ATAD2B: variants seen among roughly 807,000 people sequenced by gnomAD.
ATAD2B encodes the protein ATPase family AAA domain containing 2B.
A neutral mutation model predicts 167.6 loss-of-function variants in ATAD2B; 40 were observed. That is an observed-to-expected ratio of 0.24 (90% confidence interval 0.19 to 0.31). The LOEUF (loss-of-function observed/expected upper bound fraction) is 0.31. Ranked by LOEUF, ATAD2B falls within the 10% of genes least tolerant of loss-of-function variation. ATAD2B has a pLI of 1.00. For missense variants in ATAD2B, 1,242 were observed against 1,757.2 expected (o/e 0.71, Z 5.24); for synonymous variants, 579 against 596.5 (o/e 0.97, Z 0.43).
the ATAD2B span, among the ~76,000 whole-genome samples, chr2:23,678,310 TG>T: frequency 2.0e-4 from 31 of 152,258 alleles, no homozygotes; most frequent in African/African-American, 7.0e-4. Flanking sequence ...TTAGAACCAA[TG>T]GGGTTTGAGA....
chr2:23,818,698 C>A (rs530782981), intron 17 of ATAD2B, among the ~76,000 whole-genome samples: 35 of 152,278 alleles, frequency 2.3e-4, no homozygotes, highest in African/African-American at 8.4e-4. Flanking sequence ...CACAATCCGG[C>A]CTCTTCTAAT....
intron 13 of ATAD2B, among the ~76,000 whole-genome samples, chr2:23,836,223 G>A (rs1689937531): frequency 6.6e-6 from 1 of 152,196 alleles, no homozygotes; most frequent in South Asian, 2.1e-4. Flanking sequence ...TGCTGCACCG[G>A]GGCGGGCAGC....
intron 1 of ATAD2B, among the ~76,000 whole-genome samples, chr2:23,920,257 A>C (rs1020667171): frequency 3.9e-5 from 6 of 152,118 alleles, no homozygotes; most frequent in African/African-American, 9.7e-5. Flanking sequence ...ACAACACACA[A>C]AAAAAAGAGT....
At chr2:23,680,509 G>T in the ATAD2B span, among the ~76,000 whole-genome samples, 1 of 152,186 alleles carries the variant, frequency 6.6e-6, no homozygotes, top group Non-Finnish European at 1.5e-5. The surrounding 1 kb of genome is among the most constrained non-coding windows in gnomAD (Gnocchi z 4.1). Flanking sequence ...AACCTCTGGG[G>T]CCGACCAACA....
chr2:23,807,626 C>T (rs1168635303), intron 18 of ATAD2B, among the ~76,000 whole-genome samples: 2 of 151,660 alleles, frequency 1.3e-5, no homozygotes, highest in Non-Finnish European at 2.9e-5. Context: ...GCCATCCTGG[C>T]TAACATGGTG....
intron 8 of ATAD2B, chr2:23,872,610 T>G (rs1696174357): frequency 1.5e-6 from 2 of 1,314,868 alleles, no homozygotes; most frequent in East Asian, 4.6e-5. Flanking sequence ...CTAATGTTGC[T>G]GTAGAAAGGA....
chr2:23,823,659 G>C, intron 15 of ATAD2B, 90 bp from the exon 16 acceptor site: 2 of 1,174,010 alleles, frequency 1.7e-6, no homozygotes, highest in Admixed American at 4.7e-5. Flanking sequence ...TTTAGCTAAA[G>C]TCATAATCAA....
At chr2:23,681,630 T>C in the ATAD2B span, among the ~76,000 whole-genome samples, 3 of 152,266 alleles carry the variant, frequency 2.0e-5, no homozygotes, top group African/African-American at 7.2e-5. The surrounding 1 kb of genome is among the most constrained non-coding windows in gnomAD (Gnocchi z 4.2). Flanking sequence ...CAAGCAGGTG[T>C]CTCTGCCCTT....
the ATAD2B span, among the ~76,000 whole-genome samples, chr2:23,731,983 CAA>C: frequency 7.3e-6 from 1 of 137,876 alleles, no homozygotes; most frequent in Non-Finnish European, 1.6e-5. Context: ...TCCTAGGGGG[CAA>C]AAAAAAAAAA....
chr2:23,706,397 C>A, the ATAD2B span: 1 of 1,130,030 alleles, frequency 8.8e-7, no homozygotes. Context: ...AGGCAGCCTA[C>A]AACAGGACAC....
At chr2:23,882,679 G>A (rs367582268) in intron 6 of ATAD2B, among the ~76,000 whole-genome samples, 70 of 151,750 alleles carry the variant, frequency 4.6e-4, no homozygotes, top group African/African-American at 1.3e-3. Flanking sequence ...GCATGGTGGC[G>A]GGTGCCTGTA....
Position 23,748,776 on chromosome 2 carries a change from A to T in ATAD2B, c.*3270T>A, listed in dbSNP as rs1675063723. 6.6e-6 allele frequency: 1 copy of T among 152,192 alleles called. No individual in the cohort carries two copies. The highest frequency in any genetic ancestry group is 2.4e-5 in the African/African-American group (1 of 41,460). 9.4% of individuals were successfully genotyped at this position (152,192 alleles called of 1,614,324 possible). A position where few individuals can be genotyped will look rare whatever the true frequency, so the allele number is the denominator to read the frequency against. ...AAATAATTTACTTCAACTAATGTCA[A>T]ATGAAGTCAAATGCAAAACATCAAT... On this transcript the variant is annotated 3_prime_UTR_variant, in exon 28 of 28. Transcript: ENST00000238789.
At chr2:23,837,762 T>A (rs987522407) in intron 13 of ATAD2B, among the ~76,000 whole-genome samples, 2 of 152,272 alleles carry the variant, frequency 1.3e-5, no homozygotes, top group Admixed American at 6.5e-5. Context: ...GAAATGTATA[T>A]GACGCTTTAG....
intron 8 of ATAD2B, among the ~76,000 whole-genome samples, chr2:23,871,567 C>A (rs541835052): frequency 2.7e-4 from 41 of 152,198 alleles, no homozygotes; most frequent in Non-Finnish European, 4.3e-4. Context: ...ATTACACTTG[C>A]TGAATTCCAA....
At chr2:23,779,126 T>G (rs1484291857) in intron 22 of ATAD2B, among the ~76,000 whole-genome samples, 1 of 151,522 alleles carries the variant, frequency 6.6e-6, no homozygotes, top group Non-Finnish European at 1.5e-5. Flanking sequence ...ATTGCTATAG[T>G]GGCTAACAGT....
intron 1 of ATAD2B, among the ~76,000 whole-genome samples, chr2:23,910,640 G>A (rs1702153971): frequency 6.7e-6 from 1 of 148,216 alleles, no homozygotes; most frequent in African/African-American, 2.5e-5. Context: ...GGCCGAGGCA[G>A]GTGGATCACC....
chr2:23,909,463 C>T (rs1701953922), intron 1 of ATAD2B, among the ~76,000 whole-genome samples: 1 of 151,334 alleles, frequency 6.6e-6, no homozygotes, highest in South Asian at 2.1e-4. Flanking sequence ...CACACACACA[C>T]ACATACATAT....
intron 2 of ATAD2B, among the ~76,000 whole-genome samples, chr2:23,890,276 G>A (rs906114143): frequency 1.3e-5 from 2 of 151,362 alleles, no homozygotes; most frequent in African/African-American, 4.9e-5. Context: ...ATACTACTAC[G>A]CATCTTCAGA....
In ATAD2B at chr2:23,891,737, C is replaced by G. The variant is rs374678342; in HGVS notation, c.369-3338G>C. On this transcript the variant is annotated intron_variant, in intron 2 of 27. Coordinates refer to ENST00000238789, the MANE Select transcript of ATAD2B (RefSeq NM_017552.4). ...CTCCTGACCTCAGATGATACCCCCC[C>G]GCCCCGACCCCCACCTCAGACTCCC... Among the ~76,000 whole-genome samples the G allele has an allele frequency of 1.6e-4, 25 of 152,034 alleles. 1 individual carries two copies. In the East Asian group the frequency reaches 2.7e-3, roughly 17 times the overall value.
Sources: gnomAD v4.1 joint callset for allele counts (sites outside exome capture counted in the v4.1 genomes callset) on GRCh38, gnomAD v4.1.1 for gene constraint, Gnocchi (gnomAD v3.1) non-coding constraint, MANE v1.5 for transcripts, NCBI Gene and HGNC (gene_info 2026-07-23, HGNC 2026-07-21) for gene names.